The following MYO3A variants were observed in gnomAD, a reference collection of about 807,000 sequenced individuals.
MYO3A encodes myosin IIIA, also known as myosin-IIIa.
In MYO3A, 180 loss-of-function variants were observed where a neutral mutation model predicts 192.7. The observed-to-expected ratio is 0.93, with a 90% CI of 0.83 to 1.06. The LOEUF is 1.06. Ranked by LOEUF, MYO3A falls within the 50% of genes least tolerant of loss-of-function variation. The pLI is 0.00. For synonymous variants in MYO3A, 628 were observed against 645.3 expected (o/e 0.97, Z 0.41); for missense variants, 1,896 against 1,905.0 (o/e 1.00, Z 0.09).
intron 31 of MYO3A, among the ~76,000 whole-genome samples, chr10:26,185,762 T>C (rs1188073513): frequency 6.6e-6 from 1 of 152,214 alleles, no homozygotes; most frequent in Non-Finnish European, 1.5e-5. Flanking sequence ...ACTAGTATTA[T>C]AGAAAATGTA....
At chr10:25,989,570 G>C (rs888789107) in intron 4 of MYO3A, among the ~76,000 whole-genome samples, 37 of 152,120 alleles carry the variant, frequency 2.4e-4, no homozygotes, top group African/African-American at 8.0e-4. Flanking sequence ...TTAACATGAA[G>C]ATGATACTAC....
chr10:25,957,954 A>T (rs1234225711), intron 4 of MYO3A, among the ~76,000 whole-genome samples: 3 of 151,848 alleles, frequency 2.0e-5, no homozygotes, highest in African/African-American at 7.3e-5. Flanking sequence ...TTTTCCTTCT[A>T]AATATAAGTT....
chr10:26,193,170 AAT>A (rs1266955697), intron 31 of MYO3A, 33 bp from the exon 32 acceptor site: 1 of 1,407,368 alleles, frequency 7.1e-7, no homozygotes, highest in African/African-American at 1.4e-5. Context: ...TAGTATTTGT[AAT>A]TAAATACTTG....
chr10:25,967,455 C>G (rs1838334874), intron 4 of MYO3A, among the ~76,000 whole-genome samples: 1 of 152,150 alleles, frequency 6.6e-6, no homozygotes, highest in South Asian at 2.1e-4. Context: ...TCAAGTTGAT[C>G]CACAAGTAAT....
intron 31 of MYO3A, among the ~76,000 whole-genome samples, chr10:26,189,737 A>G (rs1198248666): frequency 6.6e-6 from 1 of 152,190 alleles, no homozygotes; most frequent in African/African-American, 2.4e-5. Context: ...AAATTTTTGA[A>G]ACTTGAAATT....
Position 26,168,726 on chromosome 10 carries a change from T to C in MYO3A, c.3126T>C (p.Tyr1042=). ...TAATTTTTCAGGTGTTCCTTAAGTA[T>C]TATCACGTGGAGCAGTTAAATCTAA... ...ALGKTKVFLK[Y]YHVEQLNLMR... is the part of the protein sequence containing the mutation. The change falls in exon 28 of 35, where the codon TAT becomes TAC. Residue 1042 remains tyrosine, a synonymous_variant. Coordinates refer to ENST00000642920, the MANE Select transcript of MYO3A (RefSeq NM_017433.5). 2 of 1,612,972 alleles carry C rather than the reference T, an allele frequency of 1.2e-6. No individual in the cohort carries two copies. Among genetic ancestry groups the C allele is most frequent in the Non-Finnish European group, 8.5e-7 (1 of 1,179,572 alleles).
At chr10:26,156,898 A>G (rs1352152251) in intron 25 of MYO3A, among the ~76,000 whole-genome samples, 1 of 152,116 alleles carries the variant, frequency 6.6e-6, no homozygotes, top group East Asian at 1.9e-4. Flanking sequence ...TCCCTTTTTT[A>G]CCATCTATAA....
chr10:26,155,186 G>A (rs1220623247), intron 25 of MYO3A, among the ~76,000 whole-genome samples: 1 of 152,164 alleles, frequency 6.6e-6, no homozygotes, highest in Non-Finnish European at 1.5e-5. Flanking sequence ...GACAGATAGG[G>A]CAAGGCTGAG....
At position 25,963,121 on chromosome 10, in the gene MYO3A, A is replaced by G. The variant is rs569249923; in HGVS notation, c.303+8113A>G. 2.1e-4 allele frequency among the ~76,000 whole-genome samples: 32 copies of G among 152,302 alleles called. 1 individual carries two copies. The South Asian group carries it at 6.0e-3, about 29-fold the overall frequency. On this transcript the variant is annotated intron_variant, in intron 4 of 34. Transcript: ENST00000642920. The stretch of plus-strand genomic sequence containing the variant: ...ATTGGTCCTGATTTGTTCATTCATA[A>G]TAGTGACATTGCTTTTTCTCATTGC...
intron 29 of MYO3A, 110 bp downstream of exon 29, chr10:26,170,649 G>A (rs750024274): frequency 1.2e-5 from 14 of 1,203,060 alleles, no homozygotes; most frequent in Non-Finnish European, 1.7e-5. Flanking sequence ...TCCTGATACT[G>A]ACACATCAAA....
At chr10:26,177,166 C>T (rs760963843) in intron 31 of MYO3A, among the ~76,000 whole-genome samples, 26 of 151,932 alleles carry the variant, frequency 1.7e-4, no homozygotes, top group African/African-American at 6.0e-4. Flanking sequence ...GATAAGAGAG[C>T]GCAAAAATAG....
intron 32 of MYO3A, among the ~76,000 whole-genome samples, chr10:26,197,339 G>C (rs2132175936): frequency 6.6e-6 from 1 of 152,302 alleles, no homozygotes; most frequent in Non-Finnish European, 1.5e-5. Flanking sequence ...GTTATTTCCT[G>C]AGGAAGGAAC....
At chr10:26,033,959 G>T (rs1179725340) in intron 10 of MYO3A, among the ~76,000 whole-genome samples, 2 of 152,216 alleles carry the variant, frequency 1.3e-5, no homozygotes, top group South Asian at 2.1e-4. Flanking sequence ...AATAGGTTTG[G>T]AGAGGTATAC....
At chr10:26,078,792 G>C (rs1301875290) in intron 14 of MYO3A, among the ~76,000 whole-genome samples, 2 of 152,016 alleles carry the variant, frequency 1.3e-5, no homozygotes, top group Admixed American at 1.3e-4. Context: ...CAGGTTATTT[G>C]ATTTCCATGT....
intron 14 of MYO3A, among the ~76,000 whole-genome samples, chr10:26,071,056 C>G (rs1458439829): frequency 6.6e-6 from 1 of 151,264 alleles, no homozygotes; most frequent in Non-Finnish European, 1.5e-5. Context: ...CAAGGTGACT[C>G]AAAAATATAT....
chr10:26,113,546 T>C (rs2051000), intron 17 of MYO3A, among the ~76,000 whole-genome samples: 72,738 of 151,552 alleles, frequency 0.48, 18,173 homozygotes, highest in Middle Eastern at 0.59. Context: ...TTTGGTTTGT[T>C]GTTTGTAATA....
At position 26,128,548 on chromosome 10, in the gene MYO3A, A is replaced by T. The variant is rs759511774; in HGVS notation, c.2262+10A>T. 6 of 1,601,360 alleles carry T rather than the reference A, an allele frequency of 3.7e-6. No homozygotes were observed. Among genetic ancestry groups the T allele is most frequent in the Non-Finnish European group, 5.1e-6 (6 of 1,170,390 alleles). On this transcript the variant is annotated intron_variant, in intron 20 of 34. Coordinates refer to ENST00000642920, the MANE Select transcript of MYO3A (RefSeq NM_017433.5). ...GTTTGCATGGGAACAGGTAAGTCTAAGTACTTACTATAAATATGCATGCAT... is the reference window on the plus strand; with the variant it reads ...GTTTGCATGGGAACAGGTAAGTCTATGTACTTACTATAAATATGCATGCAT...
chr10:25,997,208 G>T lies in MYO3A; in HGVS notation c.458G>T (p.Gly153Val), dbSNP rs749267556. 2 of 1,613,450 alleles carry T rather than the reference G, an allele frequency of 1.2e-6. No individual in the cohort carries two copies. Among genetic ancestry groups the T allele is most frequent in the Non-Finnish European group, 1.7e-6 (2 of 1,179,678 alleles). The change falls in exon 6 of 35, where the codon GGC becomes GTC. Residue 153 changes from glycine (G) to valine (V), a missense_variant. Coordinates refer to ENST00000642920, the MANE Select transcript of MYO3A (RefSeq NM_017433.5). ...NNKTIHRDVKGNNILLTTEGG... is the reference protein window; with the variant it reads ...NNKTIHRDVKVNNILLTTEGG... ...AAAACTATCCACAGAGATGTGAAAG[G>T]CAATAACATTCTATTGACCACGGAA... is the stretch of plus-strand genomic sequence containing the variant.
rs570606727 is a variant in MYO3A at position 26,095,052 on chromosome 10, G to A, written c.1563-1329G>A. Among the ~76,000 whole-genome samples, 7 of 152,260 alleles carry A rather than the reference G, an allele frequency of 4.6e-5. No individual in the cohort carries two copies. The East Asian group carries it at 9.7e-4, about 21-fold the overall frequency. On this transcript the variant is annotated intron_variant, in intron 15 of 34. Transcript: ENST00000642920. ...GAAGGAAAGGAGCAGGGCAAGAGGG[G>A]ATGCAGGCTGCTCCGGAAGTTTGGG...
Sources: gnomAD v4.1 joint callset for allele counts (sites outside exome capture counted in the v4.1 genomes callset) on GRCh38, gnomAD v4.1.1 for gene constraint, MANE v1.5 for transcripts, NCBI Gene and HGNC (gene_info 2026-07-23, HGNC 2026-07-21) for gene names.